IMMP2L: variants seen among roughly 807,000 people sequenced by gnomAD.
IMMP2L encodes the protein mitochondrial inner membrane protease subunit 2.
A neutral mutation model predicts 19.3 loss-of-function variants in IMMP2L; 18 were observed. The ratio of observed to expected loss-of-function variants is 0.93; its 90% CI spans 0.64 to 1.38. The LOEUF is 1.38. IMMP2L is among the 40% of genes most tolerant of loss of function. IMMP2L has a pLI of 0.00. For synonymous variants in IMMP2L, 76 were observed against 73.0 expected (o/e 1.04, Z -0.21); for missense variants, 233 against 218.2 (o/e 1.07, Z -0.43).
chr7:110,784,220 T>A (rs1799924691), intron 5 of IMMP2L, among the ~76,000 whole-genome samples: 2 of 152,042 alleles, frequency 1.3e-5, no homozygotes, highest in South Asian at 2.1e-4. Context: ...ACCTATGGAC[T>A]TCTTCAGCAA....
intron 5 of IMMP2L, among the ~76,000 whole-genome samples, chr7:110,835,309 G>C (rs1289462136): frequency 1.3e-5 from 2 of 152,146 alleles, no homozygotes; most frequent in African/African-American, 2.4e-5. Context: ...ATATGTTAAA[G>C]AATAAAGGTG....
chr7:110,951,659 A>G (rs971778836), intron 4 of IMMP2L, among the ~76,000 whole-genome samples: 1 of 152,004 alleles, frequency 6.6e-6, no homozygotes, highest in African/African-American at 2.4e-5. Flanking sequence ...CTCAGAAATC[A>G]ATAACTTTGC....
At chr7:111,207,082 T>C (rs1810792435) in intron 3 of IMMP2L, among the ~76,000 whole-genome samples, 1 of 152,206 alleles carries the variant, frequency 6.6e-6, no homozygotes, top group African/African-American at 2.4e-5. Context: ...TTGGAATATA[T>C]TGTACAATAG....
intron 3 of IMMP2L, among the ~76,000 whole-genome samples, chr7:111,264,513 T>G (rs538497249): frequency 6.6e-6 from 1 of 151,830 alleles, no homozygotes. Context: ...AAGATTTTCT[T>G]TTTTTTTAGG....
intron 5 of IMMP2L, among the ~76,000 whole-genome samples, chr7:110,753,234 C>A (rs1797837291): frequency 1.3e-5 from 2 of 151,934 alleles, no homozygotes. Context: ...TCTAGTTAGT[C>A]CAATGTGCTT....
intron 3 of IMMP2L, among the ~76,000 whole-genome samples, chr7:111,075,220 G>A (rs113223005): frequency 0.13 from 19,680 of 147,454 alleles, 1,862 homozygotes; most frequent in African/African-American, 0.26. Flanking sequence ...TCCACCTCCC[G>A]GGTTCAAGTG....
At chr7:111,286,604 T>C (rs142736365) in intron 3 of IMMP2L, among the ~76,000 whole-genome samples, 2 of 152,270 alleles carry the variant, frequency 1.3e-5, no homozygotes, top group East Asian at 1.9e-4. Context: ...CAAAGTGGCA[T>C]AGAGTTTGAG....
At chr7:111,538,816 T>TAAAAAAAAA (rs768599585) in intron 1 of IMMP2L, among the ~76,000 whole-genome samples, 2 of 82,428 alleles carry the variant, frequency 2.4e-5, no homozygotes, top group African/African-American at 1.0e-4. Context: ...CTGGCTCATT[T>TAAAAAAAAA]AAAAAAAAAA....
chr7:111,468,785 G>C (rs866911417), intron 3 of IMMP2L, among the ~76,000 whole-genome samples: 10 of 152,154 alleles, frequency 6.6e-5, no homozygotes, highest in Middle Eastern at 6.8e-3. Flanking sequence ...TTTTCAGGTA[G>C]ACCCAAAAAG....
intron 2 of IMMP2L, among the ~76,000 whole-genome samples, chr7:111,507,306 A>C (rs1845013354): frequency 6.6e-6 from 1 of 152,200 alleles, no homozygotes; most frequent in African/African-American, 2.4e-5. Context: ...TTCTGCTATA[A>C]GTTCATTTCT....
At chr7:111,260,944 T>C (rs989677045) in intron 3 of IMMP2L, among the ~76,000 whole-genome samples, 5 of 151,968 alleles carry the variant, frequency 3.3e-5, no homozygotes, top group East Asian at 1.9e-4. Context: ...CGTAAATACA[T>C]GAGGATAAAA....
At chr7:111,539,236 AAGAAAG>A (rs1848282923) in intron 1 of IMMP2L, among the ~76,000 whole-genome samples, 1 of 128,344 alleles carries the variant, frequency 7.8e-6, no homozygotes, top group African/African-American at 3.1e-5. Context: ...GAAAGAAAGA[AAGAAAG>A]AAAGAAAGAA....
At position 111,194,594 on chromosome 7, in the gene IMMP2L, CACA is replaced by C. The variant is rs201523544; in HGVS notation, c.240-231032_240-231030del. 3.2e-3 allele frequency among the ~76,000 whole-genome samples: 494 copies of C among 152,222 alleles called. 3 individuals are homozygous for C. The highest frequency in any genetic ancestry group is 0.011 in the African/African-American group (460 of 41,516). ...CCACTACCTGCCACAATCCCCAGTC[CACA>C]ACAAGTACTCAATAGATGTTGTGAA... is the stretch of plus-strand genomic sequence containing the variant. On this transcript the variant is annotated intron_variant, in intron 3 of 5. Coordinates refer to ENST00000405709, the MANE Select transcript of IMMP2L (RefSeq NM_032549.4).
At chr7:110,973,235 A>G (rs1171232155) in intron 3 of IMMP2L, among the ~76,000 whole-genome samples, 2 of 152,136 alleles carry the variant, frequency 1.3e-5, no homozygotes, top group East Asian at 3.9e-4. Flanking sequence ...GCTAGAGTTA[A>G]TCATCTCACA....
intron 5 of IMMP2L, among the ~76,000 whole-genome samples, chr7:110,854,280 A>C (rs1057006902): frequency 2.0e-5 from 3 of 152,000 alleles, no homozygotes; most frequent in African/African-American, 7.2e-5. Flanking sequence ...GAAAACTTAC[A>C]TAAAGAATAC....
At chr7:110,781,471 A>G (rs576843309) in intron 5 of IMMP2L, among the ~76,000 whole-genome samples, 1 of 152,002 alleles carries the variant, frequency 6.6e-6, no homozygotes, top group Admixed American at 6.6e-5. Flanking sequence ...AAAATAAACT[A>G]CCAAATTCTA....
At chr7:111,108,694 A>G (rs958753036) in intron 3 of IMMP2L, among the ~76,000 whole-genome samples, 2 of 152,150 alleles carry the variant, frequency 1.3e-5, no homozygotes, top group Admixed American at 1.3e-4. Context: ...CTGAATTTAA[A>G]AAAAACATAT....
intron 5 of IMMP2L, among the ~76,000 whole-genome samples, chr7:110,811,739 A>G (rs1454458991): frequency 6.6e-6 from 1 of 152,044 alleles, no homozygotes; most frequent in Non-Finnish European, 1.5e-5. Flanking sequence ...TATGTGCTGT[A>G]TTTATTGCCT....
intron 4 of IMMP2L, among the ~76,000 whole-genome samples, chr7:110,938,133 G>A (rs6466366): frequency 0.63 from 95,200 of 151,834 alleles, 30,486 homozygotes; most frequent in African/African-American, 0.73. Context: ...TCGTGTTATC[G>A]TCTGTCAGGT....
Sources: allele counts gnomAD v4.1 joint callset (sites outside exome capture counted in the v4.1 genomes callset), GRCh38; gene constraint gnomAD v4.1.1; transcripts MANE v1.5; gene names NCBI Gene and HGNC (gene_info 2026-07-23, HGNC 2026-07-21).